Variants in NIM1K observed in about 807,000 individuals in gnomAD.
NIM1K encodes the protein serine/threonine-protein kinase NIM1.
NIM1K carries 35 observed loss-of-function variants against 37.1 expected under a neutral mutation model. The observed-to-expected ratio is 0.94, with a 90% CI of 0.72 to 1.25. The LOEUF is 1.25. Among genes scored for constraint, NIM1K ranks in the 50% most tolerant of loss-of-function variants. The probability of loss-of-function intolerance (pLI) is 0.00; values close to 1 mark genes in which losing one functional copy is unlikely to be tolerated. For synonymous variants in NIM1K, 234 were observed against 206.6 expected (o/e 1.13, Z -1.14); for missense variants, 564 against 548.0 (o/e 1.03, Z -0.29).
chr5:43,272,230 TCCTA>T (rs918146509), intron 2 of NIM1K, among the ~76,000 whole-genome samples: 15 of 152,172 alleles, frequency 9.9e-5, no homozygotes, highest in African/African-American at 3.6e-4. Context: ...AGATCTTCTG[TCCTA>T]CCCATCCCTA....
chr5:43,279,946 T>TA, intron 3 of NIM1K, 34 bp from the exon 4 acceptor site: 1 of 1,558,090 alleles, frequency 6.4e-7, no homozygotes, highest in South Asian at 1.2e-5. Flanking sequence ...CATTTTACTG[T>TA]AAAAATGACT....
chr5:43,208,816 G>A (rs1384606336), intron 1 of NIM1K, among the ~76,000 whole-genome samples: 2 of 152,156 alleles, frequency 1.3e-5, no homozygotes, highest in Non-Finnish European at 2.9e-5. Flanking sequence ...AGGGACTAGA[G>A]ATGGTTGGAA....
intron 3 of NIM1K, among the ~76,000 whole-genome samples, chr5:43,278,885 A>G (rs941649445): frequency 2.0e-5 from 3 of 152,176 alleles, no homozygotes; most frequent in African/African-American, 7.2e-5. Context: ...GACCTGTGAT[A>G]TATGACCAAT....
At chr5:43,222,733 T>TA (rs1015191683) in intron 1 of NIM1K, among the ~76,000 whole-genome samples, 25 of 144,432 alleles carry the variant, frequency 1.7e-4, no homozygotes, top group South Asian at 4.4e-4. Flanking sequence ...GCCTGTCCCT[T>TA]AAAAAAAAAA....
In NIM1K at chr5:43,277,065, G is replaced by T; in HGVS notation, c.301G>T (p.Ala101Ser). ...ACTTTTTTTCCTTGCAGAAAAGGTG[G>T]CCATTAAGATCCTGGACAAGACCAA... ...GIHSLTKEKV[A>S]IKILDKTKLD... is the part of the protein sequence containing the mutation. Residue 101 changes from alanine (A) to serine (S), a missense_variant, in exon 3 of 4, where the codon GCC becomes TCC. Physicochemically the swap from Ala to Ser is moderately conservative, Grantham distance 99. Transcript: ENST00000326035. The T allele has an allele frequency of 6.2e-7, 1 of 1,612,600 alleles. No homozygotes were observed. The highest frequency in any genetic ancestry group is 8.5e-7 in the Non-Finnish European group (1 of 1,179,616).
intron 1 of NIM1K, among the ~76,000 whole-genome samples, chr5:43,242,501 G>A (rs925652012): frequency 1.1e-4 from 17 of 151,892 alleles, no homozygotes; most frequent in African/African-American, 4.1e-4. Flanking sequence ...GTTCTCAGGG[G>A]GATGATGGAC....
At chr5:43,196,901 T>A (rs999615378) in intron 1 of NIM1K, among the ~76,000 whole-genome samples, 1 of 150,398 alleles carries the variant, frequency 6.6e-6, no homozygotes, top group Non-Finnish European at 1.5e-5. Flanking sequence ...ACCTCTTGAG[T>A]AGCTGGGGCT....
intron 1 of NIM1K, chr5:43,193,459 C>T (rs567459875): frequency 6.7e-6 from 1 of 149,330 alleles, no homozygotes; most frequent in East Asian, 2.0e-4. Context: ...TACCCCCCCT[C>T]CCCCACCCCA....
At chr5:43,229,746 TC>T (rs1752511371) in intron 1 of NIM1K, among the ~76,000 whole-genome samples, 1 of 151,728 alleles carries the variant, frequency 6.6e-6, no homozygotes, top group Admixed American at 6.6e-5. Flanking sequence ...AAGTGATTCT[TC>T]TGCCTCAGCC....
intron 1 of NIM1K, chr5:43,206,660 C>T (rs1752117289): frequency 1.5e-6 from 1 of 686,420 alleles, no homozygotes; most frequent in Non-Finnish European, 2.7e-6. Context: ...ACTCGGCCCC[C>T]CAGTCTCCCA....
At chr5:43,218,320 T>A (rs1437466012) in intron 1 of NIM1K, among the ~76,000 whole-genome samples, 2 of 152,184 alleles carry the variant, frequency 1.3e-5, no homozygotes, top group Admixed American at 6.5e-5. Flanking sequence ...CTCCTCTGTC[T>A]ATTTTTAATT....
At chr5:43,249,052 A>T (rs1170827742) in intron 2 of NIM1K, among the ~76,000 whole-genome samples, 12 of 135,392 alleles carry the variant, frequency 8.9e-5, no homozygotes, top group Non-Finnish European at 1.7e-4. Context: ...ATTTTTATTT[A>T]TTTATTTATT....
chr5:43,268,291 G>T (rs959529160), intron 2 of NIM1K, among the ~76,000 whole-genome samples: 1 of 152,188 alleles, frequency 6.6e-6, no homozygotes, highest in African/African-American at 2.4e-5. Flanking sequence ...TTGATGCAAG[G>T]CCAGTCATGC....
At chr5:43,216,112 T>C (rs1024304921) in intron 1 of NIM1K, among the ~76,000 whole-genome samples, 1 of 152,124 alleles carries the variant, frequency 6.6e-6, no homozygotes, top group Non-Finnish European at 1.5e-5. Context: ...TATAAAGAAA[T>C]GTAAATACCC....
chr5:43,273,763 C>T (rs900047309), intron 2 of NIM1K, among the ~76,000 whole-genome samples: 1 of 152,178 alleles, frequency 6.6e-6, no homozygotes, highest in African/African-American at 2.4e-5. Flanking sequence ...AAGTATGAGG[C>T]CTCTCTCCTC....
chr5:43,237,462 G>T (rs1452325514), intron 1 of NIM1K, among the ~76,000 whole-genome samples: 1 of 152,100 alleles, frequency 6.6e-6, no homozygotes, highest in Non-Finnish European at 1.5e-5. Flanking sequence ...CATAAAAATT[G>T]ATCAAAATCT....
chr5:43,266,256 T>C (rs141706774), intron 2 of NIM1K, among the ~76,000 whole-genome samples: 4,879 of 152,248 alleles, frequency 0.032, 288 homozygotes, highest in African/African-American at 0.11. Flanking sequence ...CCTTGAGCTG[T>C]GGGGGGCTCC....
At chr5:43,247,430 C>A (rs937655969) in intron 2 of NIM1K, among the ~76,000 whole-genome samples, 4 of 152,184 alleles carry the variant, frequency 2.6e-5, no homozygotes, top group African/African-American at 7.2e-5. Flanking sequence ...TCTGTGCAAC[C>A]AAAGATCAAC....
intron 2 of NIM1K, among the ~76,000 whole-genome samples, chr5:43,253,780 C>T (rs991166752): frequency 2.0e-5 from 3 of 151,800 alleles, no homozygotes; most frequent in Non-Finnish European, 4.4e-5. Context: ...CTGCCTCAGT[C>T]TCCTGAGTAG....
Sources: gnomAD v4.1 joint callset for allele counts (sites outside exome capture counted in the v4.1 genomes callset) on GRCh38, gnomAD v4.1.1 for gene constraint, MANE v1.5 for transcripts, NCBI Gene and HGNC (gene_info 2026-07-23, HGNC 2026-07-21) for gene names.